The following ANAPC1 variants were observed in gnomAD, a reference collection of about 807,000 sequenced individuals.
ANAPC1 encodes the protein anaphase promoting complex subunit 1, also known as anaphase-promoting complex subunit 1.
ANAPC1 carries 36 observed loss-of-function variants against 208.0 expected under a neutral mutation model. That is an observed-to-expected ratio of 0.17 (90% CI 0.13 to 0.23). ANAPC1 has a LOEUF of 0.23. ANAPC1 is among the 10% of genes least tolerant of loss of function. The pLI, the probability that ANAPC1 is intolerant of heterozygous loss-of-function variation, is 1.00. For synonymous variants in ANAPC1, 378 were observed against 695.2 expected (o/e 0.54, Z 7.18); for missense variants, 942 against 2,011.6 (o/e 0.47, Z 10.17).
intron 21 of ANAPC1, among the ~76,000 whole-genome samples, chr2:111,830,049 G>A (rs149843739): frequency 4.6e-5 from 7 of 152,002 alleles, no homozygotes; most frequent in Admixed American, 2.6e-4. Flanking sequence ...TAGCCTAGGC[G>A]ACAGAGTGAG....
intron 44 of ANAPC1, chr2:111,779,182 G>C (rs1303820268): frequency 5.9e-6 from 1 of 169,578 alleles, no homozygotes; most frequent in Non-Finnish European, 1.3e-5. Flanking sequence ...GGGTGGGCAT[G>C]GGCTTTATTA....
At chr2:111,790,056 AG>A (rs1490387548) in intron 38 of ANAPC1, among the ~76,000 whole-genome samples, 2 of 152,390 alleles carry the variant, frequency 1.3e-5, no homozygotes, top group East Asian at 3.8e-4. Flanking sequence ...ACTTCTGAAA[AG>A]GTGAGTTCCA....
intron 18 of ANAPC1, among the ~76,000 whole-genome samples, chr2:111,836,675 T>C (rs532429157): frequency 2.7e-5 from 4 of 149,278 alleles, no homozygotes; most frequent in South Asian, 2.1e-4. Flanking sequence ...GAAATGAAAA[T>C]GTATGTCCAC....
chr2:111,843,315 T>C, intron 17 of ANAPC1, 97 bp downstream of exon 17: 6 of 1,146,990 alleles, frequency 5.2e-6, no homozygotes, highest in South Asian at 1.3e-5. Flanking sequence ...ATTTTGAATA[T>C]GGTACGCCTA....
rs1308593912 is a variant in ANAPC1 at position 111,862,750 on chromosome 2, C to T, written c.1053-152G>A. The stretch of plus-strand genomic sequence containing the variant: ...ATTAAAATTTTTCAAAAAGGAGTAG[C>T]TATTTAAATGGTTCATGTCAATGTG... On this transcript the variant is annotated intron_variant, in intron 9 of 47. Coordinates refer to ENST00000341068, the MANE Select transcript of ANAPC1 (RefSeq NM_022662.4). 5 of 816,878 alleles carry T rather than the reference C, an allele frequency of 6.1e-6. No homozygotes were observed. In the African/African-American group the frequency reaches 8.7e-5, roughly 14 times the overall value. The allele number at this position is 816,878 out of a possible 1,614,324, so 50.6% of individuals were successfully genotyped here.
In ANAPC1 at chr2:111,825,012, A is replaced by G. The variant is rs1679754119; in HGVS notation, c.2766T>C (p.Ser922=). The G allele has an allele frequency of 1.9e-6, 3 of 1,613,862 alleles. No individual in the cohort carries two copies. Among genetic ancestry groups the G allele is most frequent in the Non-Finnish European group, 2.5e-6 (3 of 1,179,894 alleles). ...CCAATCTTTCAGCTAGACTAGAAAC[A>G]GATGTAGAATGCCTGAAACTAAACC... ...ENRFSFRHST[S]VSSLAERLVV... The change falls in exon 24 of 48, where the codon TCT becomes TCC. Residue 922 remains serine (S), a synonymous_variant. Transcript: ENST00000341068.
At chr2:111,831,556 C>T in intron 20 of ANAPC1, 122 bp from the exon 21 acceptor site, 2 of 925,580 alleles carry the variant, frequency 2.2e-6, no homozygotes, top group South Asian at 1.7e-5. Context: ...TAATATTTTT[C>T]CAGCTGGGTG....
intron 37 of ANAPC1, among the ~76,000 whole-genome samples, chr2:111,792,809 C>T (rs370861172): frequency 1.3e-5 from 2 of 151,830 alleles, no homozygotes; most frequent in African/African-American, 4.8e-5. Flanking sequence ...AAAAGTTAGC[C>T]GGGCGTGGTG....
At chr2:111,873,025 T>C in intron 5 of ANAPC1, 1 of 463,738 alleles carries the variant, frequency 2.2e-6, no homozygotes, top group Non-Finnish European at 3.8e-6. Context: ...AGACTGGTGT[T>C]ATTCATATGC....
chr2:111,879,002 A>C, intron 2 of ANAPC1, 31 bp from the exon 3 acceptor site: 1 of 1,590,856 alleles, frequency 6.3e-7, no homozygotes, highest in African/African-American at 1.4e-5. Flanking sequence ...AAACATATTC[A>C]AGCACTCTTT....
chr2:111,769,984 G>A (rs1263841730), intron 47 of ANAPC1, among the ~76,000 whole-genome samples: 2 of 151,460 alleles, frequency 1.3e-5, no homozygotes, highest in South Asian at 2.1e-4. Context: ...GCCCAGCCTC[G>A]GCTGAGCATT....
At chr2:111,787,354 G>GA (rs1677614443) in intron 39 of ANAPC1, among the ~76,000 whole-genome samples, 1 of 149,968 alleles carries the variant, frequency 6.7e-6, no homozygotes, top group East Asian at 2.0e-4. Flanking sequence ...CAATATTCTT[G>GA]TGCTGCACCT....
At chr2:111,791,535 A>G (rs1477601915) in intron 38 of ANAPC1, among the ~76,000 whole-genome samples, 1 of 152,226 alleles carries the variant, frequency 6.6e-6, no homozygotes. Flanking sequence ...GGGGAGATCA[A>G]TAAAATGTGG....
intron 35 of ANAPC1, 136 bp downstream of exon 35, chr2:111,794,682 T>C (rs1461239156): frequency 1.6e-6 from 2 of 1,289,944 alleles, no homozygotes; most frequent in African/African-American, 2.9e-5. Context: ...GTCATGAACA[T>C]CTGATAAATA....
chr2:111,869,962 A>G (rs1246398509), intron 6 of ANAPC1, among the ~76,000 whole-genome samples: 2 of 152,224 alleles, frequency 1.3e-5, no homozygotes, highest in Non-Finnish European at 1.5e-5. Flanking sequence ...AAGTGAGAAC[A>G]TGCAGTATTT....
At chr2:111,874,669 T>C (rs1221472598) in intron 3 of ANAPC1, among the ~76,000 whole-genome samples, 1 of 152,276 alleles carries the variant, frequency 6.6e-6, no homozygotes, top group Non-Finnish European at 1.5e-5. Context: ...TCCATTCATC[T>C]GTCAATGGAC....
In ANAPC1 at chr2:111,834,747, G is replaced by C. The variant is rs946070716; in HGVS notation, c.2241C>G (p.Leu747=). The C allele has an allele frequency of 6.2e-7, 1 of 1,613,524 alleles. No individual in the cohort carries two copies. The highest frequency in any genetic ancestry group is 8.5e-7 in the Non-Finnish European group (1 of 1,179,774). Residue 747 remains leucine (L), a synonymous_variant, in exon 19 of 48, where the codon CTC becomes CTG. Transcript: ENST00000341068. Reference sequence around the variant, plus strand: ...AGAGAAGTGTAGAAGAATCCAGACTGAGATTCTGTGAAAAATCCTCATCCT... The same window carrying C: ...AGAGAAGTGTAGAAGAATCCAGACTCAGATTCTGTGAAAAATCCTCATCCT... The part of the protein sequence containing the change: ...QMKDEDFSQN[L]SLDSSTLLFT...
chr2:111,774,219 T>A (rs1429816650), intron 46 of ANAPC1, among the ~76,000 whole-genome samples: 1 of 148,884 alleles, frequency 6.7e-6, no homozygotes, highest in Non-Finnish European at 1.5e-5. Flanking sequence ...AGTGAAATGG[T>A]GACAAATACT....
chr2:111,820,184 T>C (rs1001832947), intron 26 of ANAPC1, among the ~76,000 whole-genome samples: 1 of 152,102 alleles, frequency 6.6e-6, no homozygotes, highest in African/African-American at 2.4e-5. Flanking sequence ...ACTTGCATCT[T>C]AGAATCAATG....
Sources: allele counts gnomAD v4.1 joint callset (sites outside exome capture counted in the v4.1 genomes callset), GRCh38; gene constraint gnomAD v4.1.1; transcripts MANE v1.5; gene names NCBI Gene and HGNC (gene_info 2026-07-23, HGNC 2026-07-21).